Variants in CNTNAP2 observed in about 807,000 individuals in gnomAD.
CNTNAP2 encodes the protein contactin associated protein 2, also known as contactin-associated protein-like 2.
In CNTNAP2, 98 loss-of-function variants were observed where a neutral mutation model predicts 155.2. The observed-to-expected ratio is 0.63, with a 90% CI of 0.54 to 0.75. The LOEUF is 0.75. Ranked by LOEUF, CNTNAP2 falls within the 30% of genes least tolerant of loss-of-function variation. The probability of loss-of-function intolerance (pLI) is 0.00; values close to 1 mark genes in which losing one functional copy is unlikely to be tolerated. For missense variants in CNTNAP2, 1,727 were observed against 1,688.1 expected (o/e 1.02, Z -0.40); for synonymous variants, 651 against 631.2 (o/e 1.03, Z -0.47).
At chr7:147,342,975 T>C (rs1795790357) in intron 9 of CNTNAP2, among the ~76,000 whole-genome samples, 1 of 152,156 alleles carries the variant, frequency 6.6e-6, no homozygotes, top group Non-Finnish European at 1.5e-5. Context: ...ATAAAATTTG[T>C]ATGTTAATAA....
chr7:147,900,695 C>A (rs1668480162), intron 13 of CNTNAP2, among the ~76,000 whole-genome samples: 1 of 152,118 alleles, frequency 6.6e-6, no homozygotes, highest in Admixed American at 6.5e-5. Context: ...CTGCTCACTG[C>A]AACTTGCACC....
chr7:148,230,661 C>T (rs1054393810), intron 20 of CNTNAP2, among the ~76,000 whole-genome samples: 3 of 152,202 alleles, frequency 2.0e-5, no homozygotes, highest in Admixed American at 1.3e-4. Context: ...CTTTTGAGCA[C>T]TGGTGGATGT....
rs916005944 is a variant in CNTNAP2, at chr7:146,134,831, T to G, written c.97+17858T>G. Among the ~76,000 whole-genome samples, 80 of 151,946 alleles carry G rather than the reference T, an allele frequency of 5.3e-4. 1 individual carries two copies. Among genetic ancestry groups the G allele is most frequent in the African/African-American group, 1.7e-3 (71 of 41,472 alleles). Reference sequence around the variant, plus strand: ...GGTTTGCCAGTATTTTATTGAGGATTTTTGCATCAATGTTCATCAAGGATA... The same window carrying G: ...GGTTTGCCAGTATTTTATTGAGGATGTTTGCATCAATGTTCATCAAGGATA... On this transcript the variant is annotated intron_variant, in intron 1 of 23. Transcript: ENST00000361727.
chr7:146,228,535 G>A lies in CNTNAP2; in HGVS notation c.97+111562G>A, dbSNP rs553843677. ...ATTGGATATTTTATTTTCAGTATAT[G>A]TATATATTCTTTCTACAGAGCAAGC... On this transcript the variant is annotated intron_variant, in intron 1 of 23. Transcript: ENST00000361727. Among the ~76,000 whole-genome samples, 34 of 152,256 alleles carry A rather than the reference G, an allele frequency of 2.2e-4. No individual in the cohort carries two copies. The East Asian group carries it at 3.7e-3, about 16-fold the overall frequency.
Position 146,279,828 on chromosome 7 carries a change from GAATC to G in CNTNAP2, c.97+162863_97+162866del, listed in dbSNP as rs376670964. ...TAATAATTTTTAAAACATGCTTAAGGAATCAATCAATAATTATAAATATATAAAT... is the reference window on the plus strand; with the variant it reads ...TAATAATTTTTAAAACATGCTTAAGGAATCAATAATTATAAATATATAAAT... On this transcript the variant is annotated intron_variant, in intron 1 of 23. Coordinates refer to ENST00000361727, the MANE Select transcript of CNTNAP2 (RefSeq NM_014141.6). Among the ~76,000 whole-genome samples the G allele has an allele frequency of 2.3e-3, 347 of 151,258 alleles. 1 individual carries two copies. Among genetic ancestry groups the G allele is most frequent in the African/African-American group, 7.7e-3 (320 of 41,302 alleles).
intron 21 of CNTNAP2, among the ~76,000 whole-genome samples, chr7:148,323,113 A>G (rs972578197): frequency 6.6e-6 from 1 of 151,798 alleles, no homozygotes; most frequent in African/African-American, 2.4e-5. Flanking sequence ...TATCCAGACA[A>G]TCCTGTCCTA....
At chr7:147,357,227 A>T (rs1796078890) in intron 9 of CNTNAP2, among the ~76,000 whole-genome samples, 1 of 152,046 alleles carries the variant, frequency 6.6e-6, no homozygotes, top group African/African-American at 2.4e-5. Flanking sequence ...GACTACAGGG[A>T]CTTTTCTAAT....
chr7:146,163,527 CTATA>C (rs1381461197), intron 1 of CNTNAP2, among the ~76,000 whole-genome samples: 1 of 98,254 alleles, frequency 1.0e-5, no homozygotes, highest in African/African-American at 3.6e-5. Context: ...CTATATATAT[CTATA>C]TATATCTATA....
At chr7:147,899,414 G>A (rs1563128308) in intron 13 of CNTNAP2, among the ~76,000 whole-genome samples, 1 of 152,146 alleles carries the variant, frequency 6.6e-6, no homozygotes, top group Non-Finnish European at 1.5e-5. Context: ...AGACGGGGAA[G>A]TAGGCAGTTG....
chr7:146,178,007 T>G (rs1798494000), intron 1 of CNTNAP2, among the ~76,000 whole-genome samples: 1 of 152,128 alleles, frequency 6.6e-6, no homozygotes, highest in Non-Finnish European at 1.5e-5. Flanking sequence ...TTTCATAAAC[T>G]ACTGGAACAT....
intron 1 of CNTNAP2, among the ~76,000 whole-genome samples, chr7:146,282,695 A>G (rs1431285574): frequency 6.6e-6 from 1 of 152,212 alleles, no homozygotes; most frequent in Non-Finnish European, 1.5e-5. Flanking sequence ...GTTCCCTATC[A>G]GTTAAAGGTA....
intron 1 of CNTNAP2, among the ~76,000 whole-genome samples, chr7:146,281,482 T>G (rs1358670499): frequency 6.6e-6 from 1 of 152,146 alleles, no homozygotes; most frequent in African/African-American, 2.4e-5. Context: ...TTCACTTACC[T>G]CGTGTATGAC....
chr7:146,539,070 G>A (rs1797912897), intron 1 of CNTNAP2, among the ~76,000 whole-genome samples: 1 of 152,006 alleles, frequency 6.6e-6, no homozygotes, highest in African/African-American at 2.4e-5. Context: ...TTTAAGGGAT[G>A]GTGATATTCA....
At chr7:148,298,342 T>G (rs4562230) in intron 21 of CNTNAP2, among the ~76,000 whole-genome samples, 36,079 of 152,086 alleles carry the variant, frequency 0.24, 4,725 homozygotes, top group Non-Finnish European at 0.3. Context: ...GGAGATACGT[T>G]TTTAAGTCAG....
At chr7:147,468,141 A>G (rs1215570216) in intron 10 of CNTNAP2, among the ~76,000 whole-genome samples, 1 of 152,012 alleles carries the variant, frequency 6.6e-6, no homozygotes, top group Non-Finnish European at 1.5e-5. Context: ...TAAAAATATA[A>G]TTAGTTGGGT....
intron 9 of CNTNAP2, among the ~76,000 whole-genome samples, chr7:147,353,110 T>TATATGTATATATATATACATATAC (rs1563171411): frequency 6.6e-6 from 1 of 150,396 alleles, no homozygotes; most frequent in African/African-American, 2.5e-5. Context: ...CACACACACA[T>TATATGTATATATATATACATATAC]GTATATGTAT....
At chr7:146,522,587 A>C (rs1797630852) in intron 1 of CNTNAP2, among the ~76,000 whole-genome samples, 1 of 151,988 alleles carries the variant, frequency 6.6e-6, no homozygotes, top group Non-Finnish European at 1.5e-5. Flanking sequence ...ATACTGAGGT[A>C]AAGGCCATGA....
intron 2 of CNTNAP2, among the ~76,000 whole-genome samples, chr7:146,807,608 C>T (rs1175130442): frequency 6.6e-6 from 1 of 152,046 alleles, no homozygotes; most frequent in Admixed American, 6.6e-5. Context: ...TTACCAAGGT[C>T]AATTTTCCTT....
intron 1 of CNTNAP2, among the ~76,000 whole-genome samples, chr7:146,539,991 GGGTGTTT>G (rs1563126451): frequency 1.3e-5 from 2 of 152,042 alleles, no homozygotes; most frequent in Non-Finnish European, 2.9e-5. Flanking sequence ...AGTCAGAGGA[GGGTGTTT>G]ACACAGGTGC....
Sources: allele counts gnomAD v4.1 joint callset (sites outside exome capture counted in the v4.1 genomes callset), GRCh38; gene constraint gnomAD v4.1.1; transcripts MANE v1.5; gene names NCBI Gene and HGNC (gene_info 2026-07-23, HGNC 2026-07-21).